The following DNAH12 variants were observed in gnomAD, a reference collection of about 807,000 sequenced individuals.
DNAH12 encodes the protein dynein axonemal heavy chain 12, also known as axonemal beta dynein heavy chain 12.
A neutral mutation model predicts 371.5 loss-of-function variants in DNAH12; 285 were observed. That is an observed-to-expected ratio of 0.77 (90% CI 0.70 to 0.85). DNAH12 has a LOEUF of 0.85. DNAH12 is among the 40% of genes least tolerant of loss of function. DNAH12 has a pLI of 0.00. For missense variants in DNAH12, 3,611 were observed against 3,689.4 expected (o/e 0.98, Z 0.55); for synonymous variants, 1,200 against 1,213.0 (o/e 0.99, Z 0.22).
intron 35 of DNAH12, among the ~76,000 whole-genome samples, chr3:57,422,006 A>G (rs1322104371): frequency 6.9e-6 from 1 of 145,826 alleles, no homozygotes; most frequent in Non-Finnish European, 1.5e-5. Flanking sequence ...TCCCCAGTTC[A>G]GGTGATTCTG....
intron 13 of DNAH12, among the ~76,000 whole-genome samples, chr3:57,472,973 T>G (rs2066409722): frequency 6.6e-6 from 1 of 152,140 alleles, no homozygotes; most frequent in Non-Finnish European, 1.5e-5. Context: ...GACTGAAAAA[T>G]ATAATTAAAT....
rs1420153987 is a variant in DNAH12, at chr3:57,424,715, G to A, written c.5373+307C>T. ...CACTTAAACCTGGGGGAGGTGGGGG[G>A]TGGAGGTTGTATTAAGCTGAGATCA... On this transcript the variant is annotated intron_variant, in intron 35 of 73. Transcript: ENST00000495027. Among the ~76,000 whole-genome samples, 7 of 151,288 alleles carry A rather than the reference G, an allele frequency of 4.6e-5. No homozygotes were observed. The South Asian group carries it at 1.5e-3, about 32-fold the overall frequency.
chr3:57,401,348 G>A (rs1472381378), intron 43 of DNAH12, among the ~76,000 whole-genome samples: 5 of 148,984 alleles, frequency 3.4e-5, no homozygotes, highest in Non-Finnish European at 5.9e-5. Flanking sequence ...TCAGGAATTC[G>A]AGACCAGCCT....
At chr3:57,317,256 A>G (rs2061706242) in intron 65 of DNAH12, among the ~76,000 whole-genome samples, 1 of 152,162 alleles carries the variant, frequency 6.6e-6, no homozygotes, top group African/African-American at 2.4e-5. Context: ...GAAATCTACC[A>G]TCTTAAATTT....
At chr3:57,322,855 G>C (rs761900247) in intron 64 of DNAH12, among the ~76,000 whole-genome samples, 152 bp downstream of exon 64, 7 of 152,212 alleles carry the variant, frequency 4.6e-5, no homozygotes, top group Non-Finnish European at 8.8e-5. Context: ...GCTTGAACCC[G>C]GGAGGCGAAG....
intron 4 of DNAH12, among the ~76,000 whole-genome samples, chr3:57,521,356 A>G (rs1306354366): frequency 6.6e-6 from 1 of 151,892 alleles, no homozygotes; most frequent in East Asian, 1.9e-4. Flanking sequence ...CCTCCACTGA[A>G]TGATTTTCGC....
At chr3:57,302,567 A>ATATATATATATTTTTTTTTTTTTTTTT (rs2061380979) in intron 69 of DNAH12, among the ~76,000 whole-genome samples, 1 of 27,480 alleles carries the variant, frequency 3.6e-5, no homozygotes, top group Non-Finnish European at 6.3e-5. Flanking sequence ...ATATATATGT[A>ATATATATATATTTTTTTTTTTTTTTTT]TTTTTTTTTT....
intron 4 of DNAH12, among the ~76,000 whole-genome samples, chr3:57,516,544 A>T (rs2068205332): frequency 1.3e-5 from 2 of 152,136 alleles, no homozygotes; most frequent in South Asian, 4.1e-4. Context: ...AAGCCTAAGA[A>T]TCATCCTTGG....
intron 71 of DNAH12, 93 bp downstream of exon 71, chr3:57,296,754 A>G: frequency 1.5e-6 from 2 of 1,370,002 alleles, no homozygotes; most frequent in Non-Finnish European, 2.0e-6. Context: ...AGAATGAAGT[A>G]AAATTGCTTA....
At chr3:57,426,269 C>T (rs1038164848) in intron 34 of DNAH12, among the ~76,000 whole-genome samples, 26 of 152,134 alleles carry the variant, frequency 1.7e-4, no homozygotes, top group Admixed American at 1.1e-3. Flanking sequence ...TTTTTATATG[C>T]TGTATTAAGG....
At chr3:57,448,365 G>A (rs1407676243) in intron 25 of DNAH12, among the ~76,000 whole-genome samples, 2 of 151,984 alleles carry the variant, frequency 1.3e-5, no homozygotes, top group Non-Finnish European at 2.9e-5. Context: ...CCTCCTGGTG[G>A]GCTCGTGCTC....
At chr3:57,361,480 GCT>G (rs1164279992) in intron 58 of DNAH12, among the ~76,000 whole-genome samples, 2 of 105,950 alleles carry the variant, frequency 1.9e-5, no homozygotes, top group African/African-American at 4.9e-5. Flanking sequence ...ATCTCATTCA[GCT>G]CTGTTAGGTG....
chr3:57,448,466 G>T (rs1169777953), intron 25 of DNAH12, among the ~76,000 whole-genome samples: 2 of 151,538 alleles, frequency 1.3e-5, no homozygotes, highest in African/African-American at 4.9e-5. Flanking sequence ...TCCTCCCAGG[G>T]GGGCTCGTGG....
chr3:57,444,771 G>C lies in DNAH12; in HGVS notation c.4471C>G (p.His1491Asp). The change falls in exon 29 of 74, where the codon CAT (histidine) becomes GAT (aspartate). Residue 1491 changes from histidine (H) to aspartate (D), a missense_variant. His to Asp is a moderately conservative substitution (Grantham distance 81, BLOSUM62 -1). Transcript: ENST00000495027. Reference protein sequence around the residue: ...KDVNEPKFLSHDIPLFNGITS... With the variant: ...KDVNEPKFLSDDIPLFNGITS... ...ATTCCATTAAATAAAGGTATATCATGTGATAAAAACTTTGGTTCATTTACA... is the reference window on the plus strand; with the variant it reads ...ATTCCATTAAATAAAGGTATATCATCTGATAAAAACTTTGGTTCATTTACA... The C allele has an allele frequency of 1.9e-6, 3 of 1,548,466 alleles. No homozygotes were observed. Among genetic ancestry groups the C allele is most frequent in the Non-Finnish European group, 2.6e-6 (3 of 1,145,952 alleles).
In DNAH12 at chr3:57,314,580, C is replaced by G; in HGVS notation, c.10576G>C (p.Glu3526Gln). 2 of 1,551,350 alleles carry G rather than the reference C, an allele frequency of 1.3e-6. No homozygotes were observed. Among genetic ancestry groups the G allele is most frequent in the Non-Finnish European group, 1.7e-6 (2 of 1,146,926 alleles). ...CCAAGAGGACCAAATTTCTTTCTCTCTTGCACAAGGGCATGAAAAAAACAA... is the reference window on the plus strand; with the variant it reads ...CCAAGAGGACCAAATTTCTTTCTCTGTTGCACAAGGGCATGAAAAAAACAA... ...GVCFFHALVQ[E>Q]RKKFGPLGWN... The change falls in exon 66 of 74, where the codon GAG (glutamate) becomes CAG (glutamine). Residue 3526 changes from glutamate to glutamine, a missense_variant. By Grantham distance (29) the Glu-to-Gln change is conservative. Coordinates refer to ENST00000495027, the MANE Select transcript of DNAH12 (RefSeq NM_001366028.2).
Position 57,419,511 on chromosome 3 carries a change from T to G in DNAH12, c.5570A>C (p.Asn1857Thr), listed in dbSNP as rs575361919. The part of the protein sequence containing the change: ...LVYDYMYELK[N>T]KGRWVHWNEL... ...ATTCCAATGGACCCAGCGACCTTTG[T>G]TTTTCAACTACAAGAAAATATAAGT... Residue 1857 changes from asparagine (N) to threonine (T), a missense_variant, in exon 37 of 74, where the codon AAC becomes ACC. Asn to Thr is a moderately conservative substitution (Grantham distance 65, BLOSUM62 0). Transcript: ENST00000495027. 5.7e-5 allele frequency: 82 copies of G among 1,428,598 alleles called. No individual in the cohort carries two copies. Among genetic ancestry groups the G allele is most frequent in the Non-Finnish European group, 7.2e-5 (79 of 1,091,678 alleles). 88.5% of individuals were successfully genotyped at this position (1,428,598 alleles called of 1,614,324 possible).
chr3:57,475,895 G>A (rs933096035), intron 13 of DNAH12, among the ~76,000 whole-genome samples: 2 of 152,154 alleles, frequency 1.3e-5, no homozygotes, highest in Non-Finnish European at 2.9e-5. Context: ...GTGAATAAAA[G>A]CATATCTTAT....
intron 58 of DNAH12, among the ~76,000 whole-genome samples, chr3:57,359,500 T>C (rs901174714): frequency 7.0e-6 from 1 of 142,618 alleles, no homozygotes; most frequent in African/African-American, 2.6e-5. Flanking sequence ...CAGAGGTTGC[T>C]GTGAGCCGAG....
chr3:57,298,934 T>C (rs917240143), intron 70 of DNAH12, among the ~76,000 whole-genome samples: 2 of 152,212 alleles, frequency 1.3e-5, no homozygotes, highest in African/African-American at 2.4e-5. Flanking sequence ...TAAAATGAGG[T>C]CTCAATTCAT....
Sources: gnomAD v4.1 joint callset for allele counts (sites outside exome capture counted in the v4.1 genomes callset) on GRCh38, gnomAD v4.1.1 for gene constraint, MANE v1.5 for transcripts, NCBI Gene and HGNC (gene_info 2026-07-23, HGNC 2026-07-21) for gene names.